PDE4D: variants seen among roughly 807,000 people sequenced by gnomAD.
PDE4D encodes phosphodiesterase 4D.
Under a neutral mutation model 87.4 loss-of-function variants are expected in PDE4D, and 24 were observed. The observed-to-expected ratio is 0.27, with a 90% CI of 0.20 to 0.39. The LOEUF (loss-of-function observed/expected upper bound fraction) is 0.39. Among genes scored for constraint, PDE4D ranks in the 10% least tolerant of loss-of-function variants. PDE4D has a pLI of 1.00. For missense variants in PDE4D, 714 were observed against 1,041.0 expected (o/e 0.69, Z 4.32); for synonymous variants, 384 against 383.2 (o/e 1.00, Z -0.02).
chr5:59,880,695 T>G (rs1356144808), intron 1 of PDE4D, among the ~76,000 whole-genome samples: 1 of 152,204 alleles, frequency 6.6e-6, no homozygotes, highest in Non-Finnish European at 1.5e-5. Context: ...AGACATATAA[T>G]CATTATGTTT....
intron 1 of PDE4D, among the ~76,000 whole-genome samples, chr5:59,557,566 C>T (rs766157849): frequency 6.6e-6 from 1 of 151,898 alleles, no homozygotes; most frequent in Non-Finnish European, 1.5e-5. Flanking sequence ...GTAGAGTATA[C>T]TTCAGAAATA....
At chr5:59,603,861 A>G (rs1379200348) in intron 1 of PDE4D, among the ~76,000 whole-genome samples, 1 of 152,016 alleles carries the variant, frequency 6.6e-6, no homozygotes, top group Non-Finnish European at 1.5e-5. Flanking sequence ...TCTAGTCAAT[A>G]ACAATATGTT....
At chr5:59,303,651 T>C (rs1303762173) in intron 1 of PDE4D, among the ~76,000 whole-genome samples, 2 of 152,188 alleles carry the variant, frequency 1.3e-5, no homozygotes, top group Non-Finnish European at 2.9e-5. Flanking sequence ...AGGTTATCCT[T>C]TTCCCCACTT....
chr5:58,976,482 T>C lies in PDE4D; in HGVS notation c.1708-10A>G, dbSNP rs760035439. ...TATCTGTTGCAAGTACCTTAAAATA[T>C]AGAGTATATTATTAAGTTCAGAGAA... On this transcript the variant is annotated splice_polypyrimidine_tract_variant and intron_variant, in intron 12 of 14. Coordinates refer to ENST00000340635, the MANE Select transcript of PDE4D (RefSeq NM_001104631.2). 1.2e-5 allele frequency: 18 copies of C among 1,534,672 alleles called. No homozygotes were observed. The highest frequency in any genetic ancestry group is 2.4e-5 in the South Asian group (2 of 83,684).
chr5:59,483,828 T>TGCTCC (rs778461507), intron 1 of PDE4D, among the ~76,000 whole-genome samples: 2 of 152,218 alleles, frequency 1.3e-5, no homozygotes, highest in Non-Finnish European at 2.9e-5. Flanking sequence ...ACACCTTTGC[T>TGCTCC]GCTCCCTTTA....
intron 1 of PDE4D, among the ~76,000 whole-genome samples, chr5:59,244,330 G>A (rs539254360): frequency 3.3e-5 from 5 of 151,968 alleles, no homozygotes; most frequent in South Asian, 2.1e-4. Flanking sequence ...CCCAGGAGAC[G>A]TAGGTTTCAG....
intron 1 of PDE4D, among the ~76,000 whole-genome samples, chr5:59,563,665 A>T (rs929155447): frequency 6.6e-6 from 1 of 152,228 alleles, no homozygotes; most frequent in African/African-American, 2.4e-5. Context: ...AAGTGAAGAC[A>T]TCAGCCCTAG....
intron 5 of PDE4D, among the ~76,000 whole-genome samples, chr5:59,073,384 A>C (rs574351140): frequency 2.3e-4 from 35 of 152,062 alleles, no homozygotes; most frequent in Non-Finnish European, 3.8e-4. Context: ...TGCAAAGGTG[A>C]CAAAGTGCAT....
At chr5:58,983,378 T>C (rs979724236) in intron 11 of PDE4D, among the ~76,000 whole-genome samples, 4 of 152,232 alleles carry the variant, frequency 2.6e-5, no homozygotes, top group African/African-American at 9.6e-5. Flanking sequence ...TCGGACCTGA[T>C]AGATCGTGTA....
chr5:60,209,187 C>CTTTTTTTTTTTTTTT (rs58524375), intron 1 of PDE4D, among the ~76,000 whole-genome samples: 4 of 108,494 alleles, frequency 3.7e-5, no homozygotes, highest in South Asian at 3.0e-4. Flanking sequence ...TTCTTTTTTT[C>CTTTTTTTTTTTTTTT]TTTTTTTTTT....
intron 1 of PDE4D, among the ~76,000 whole-genome samples, chr5:60,355,631 C>A (rs1759556968): frequency 6.6e-6 from 1 of 152,062 alleles, no homozygotes; most frequent in South Asian, 2.1e-4. Context: ...AAAAACTTAA[C>A]TACTAATAGG....
intron 5 of PDE4D, among the ~76,000 whole-genome samples, chr5:59,138,710 C>T (rs1055924188): frequency 1.3e-5 from 2 of 152,116 alleles, no homozygotes; most frequent in African/African-American, 2.4e-5. Context: ...ATTTATTTTG[C>T]CCCCTGTATC....
At chr5:59,384,455 ACT>A (rs1786554231) in intron 1 of PDE4D, among the ~76,000 whole-genome samples, 2 of 152,148 alleles carry the variant, frequency 1.3e-5, no homozygotes, top group South Asian at 2.1e-4. Context: ...CATGATGGTA[ACT>A]CTGTCAGTTT....
chr5:60,283,744 G>A (rs1042887213), intron 1 of PDE4D, among the ~76,000 whole-genome samples: 2 of 151,978 alleles, frequency 1.3e-5, no homozygotes, highest in African/African-American at 4.8e-5. Context: ...ATCACAGCAG[G>A]GCCTGTAAAA....
At chr5:60,007,447 A>T (rs1001657107) in intron 2 of PDE4D, among the ~76,000 whole-genome samples, 4 of 152,048 alleles carry the variant, frequency 2.6e-5, no homozygotes, top group Admixed American at 2.6e-4. Flanking sequence ...GATATAAGAT[A>T]TAGTTAAATA....
rs117258140 is a variant in PDE4D, at chr5:60,014,727, C to T, written c.43-26010G>A. ...GAAAATTACAAAGTTTAAAAAGAAG[C>T]TGTGCCACCTTGGAAGAAAAGGGAG... On this transcript the variant is annotated intron_variant, in intron 2 of 16. Transcript: ENST00000502484. 3.3e-3 allele frequency among the ~76,000 whole-genome samples: 510 copies of T among 152,288 alleles called. 18 individuals are homozygous for T. In the East Asian group the frequency reaches 0.08, roughly 24 times the overall value.
chr5:59,816,346 C>G (rs1768972165), intron 1 of PDE4D, among the ~76,000 whole-genome samples: 1 of 152,064 alleles, frequency 6.6e-6, no homozygotes, highest in Non-Finnish European at 1.5e-5. Flanking sequence ...TTTTTCTCAT[C>G]TGGAAAATGG....
chr5:59,729,188 T>C (rs899229302), intron 1 of PDE4D, among the ~76,000 whole-genome samples: 8 of 152,090 alleles, frequency 5.3e-5, no homozygotes, highest in African/African-American at 1.9e-4. Flanking sequence ...CTAGACTCGG[T>C]AGATTTTACT....
At chr5:60,358,325 G>A (rs370393172) in intron 1 of PDE4D, among the ~76,000 whole-genome samples, 6 of 152,140 alleles carry the variant, frequency 3.9e-5, no homozygotes, top group African/African-American at 1.4e-4. Context: ...ATGGGTTCCT[G>A]GCTGGTTTTT....
Sources: allele counts gnomAD v4.1 joint callset (sites outside exome capture counted in the v4.1 genomes callset), GRCh38; gene constraint gnomAD v4.1.1; transcripts MANE v1.5; gene names NCBI Gene and HGNC (gene_info 2026-07-23, HGNC 2026-07-21).